CDH1: variants seen among roughly 807,000 people sequenced by gnomAD.
The protein encoded by CDH1 is cadherin-1.
A neutral mutation model predicts 84.5 loss-of-function variants in CDH1; 35 were observed. The ratio of observed to expected loss-of-function variants is 0.41; its 90% confidence interval spans 0.32 to 0.55. The LOEUF is 0.55. CDH1 is among the 20% of genes least tolerant of loss of function. The pLI is 0.19. For missense variants in CDH1, 994 were observed against 1,126.6 expected (o/e 0.88, Z 1.68); for synonymous variants, 417 against 439.0 (o/e 0.95, Z 0.63).
At chr16:68,808,156 A>G (rs974302937) in intron 3 of CDH1, among the ~76,000 whole-genome samples, 1 of 152,228 alleles carries the variant, frequency 6.6e-6, no homozygotes, top group African/African-American at 2.4e-5. Context: ...TTGTGTATGC[A>G]TGATGATTAT....
At chr16:68,812,581 A>G (rs958423512) in intron 8 of CDH1, among the ~76,000 whole-genome samples, 2 of 152,240 alleles carry the variant, frequency 1.3e-5, no homozygotes, top group African/African-American at 4.8e-5. Context: ...CTAAGTTTAT[A>G]TTAGGCACTG....
intron 2 of CDH1, among the ~76,000 whole-genome samples, chr16:68,743,903 G>A (rs1409513497): frequency 1.3e-5 from 2 of 152,182 alleles, no homozygotes; most frequent in East Asian, 3.8e-4. Context: ...TCTATTATGA[G>A]AATTAAGTAT....
At chr16:68,791,679 C>T (rs1960213295) in intron 2 of CDH1, among the ~76,000 whole-genome samples, 1 of 152,156 alleles carries the variant, frequency 6.6e-6, no homozygotes, top group Non-Finnish European at 1.5e-5. Context: ...ACCTCGGCCT[C>T]CCAAAGTGCT....
chr16:68,813,291 G>T lies in CDH1; in HGVS notation c.1138-22G>T, dbSNP rs1401132622. 5 of 1,613,216 alleles carry T rather than the reference G, an allele frequency of 3.1e-6. No homozygotes were observed. Among genetic ancestry groups the T allele is most frequent in the South Asian group, 2.2e-5 (2 of 91,002 alleles). ...CTAGCAGTCTTGGTACTTTGTAAAT[G>T]ACACATCTCTTTGCTCTGCAGTACA... is the stretch of plus-strand genomic sequence containing the variant. On this transcript the variant is annotated intron_variant, in intron 8 of 15. Coordinates refer to ENST00000261769, the MANE Select transcript of CDH1 (RefSeq NM_004360.5).
intron 13 of CDH1, among the ~76,000 whole-genome samples, chr16:68,827,199 A>T (rs932606171): frequency 1.3e-5 from 2 of 152,174 alleles, no homozygotes; most frequent in Non-Finnish European, 2.9e-5. Context: ...TGAACCCAGG[A>T]TGTGGTGGTT....
At chr16:68,810,158 C>T (rs752284537) in intron 5 of CDH1, 39 bp from the exon 6 acceptor site, 3 of 1,613,056 alleles carry the variant, frequency 1.9e-6, no homozygotes. Context: ...TGTTTTCTTC[C>T]TCATCAGAGC....
intron 2 of CDH1, among the ~76,000 whole-genome samples, chr16:68,781,765 G>A (rs967894917): frequency 1.3e-5 from 2 of 151,980 alleles, no homozygotes; most frequent in African/African-American, 2.4e-5. Context: ...CAATCATGCC[G>A]GGCCCCCTCA....
chr16:68,791,702 A>C (rs558362045), intron 2 of CDH1, among the ~76,000 whole-genome samples: 7 of 152,272 alleles, frequency 4.6e-5, no homozygotes, highest in African/African-American at 1.7e-4. Flanking sequence ...GATTACAGGC[A>C]TGAGCCACCA....
chr16:68,800,774 C>T (rs1005820354), intron 2 of CDH1, among the ~76,000 whole-genome samples: 1 of 152,224 alleles, frequency 6.6e-6, no homozygotes, highest in Non-Finnish European at 1.5e-5. Context: ...CTGCCCTCAC[C>T]ATGCAATAGA....
chr16:68,773,036 T>C lies in CDH1; in HGVS notation c.164-28634T>C, dbSNP rs149502955. ...CATTAGACAAAAAGAATTTTGCTTG[T>C]GGAAATGGGTCTCTAAAGGGTTGTG... On this transcript the variant is annotated intron_variant, in intron 2 of 15. Coordinates refer to ENST00000261769, the MANE Select transcript of CDH1 (RefSeq NM_004360.5). 3.7e-3 allele frequency among the ~76,000 whole-genome samples: 561 copies of C among 152,224 alleles called. 2 individuals carry two copies. Among genetic ancestry groups the C allele is most frequent in the African/African-American group, 0.013 (551 of 41,532 alleles).
rs182145982 is a variant in CDH1 at position 68,834,293 on chromosome 16, G to A, written c.*794G>A. ...CTGCCATTTTTTAAGAGACAGTTTC[G>A]CTCCATCGCCCAGGCCTGGGATGCA... is the stretch of plus-strand genomic sequence containing the variant. On this transcript the variant is annotated 3_prime_UTR_variant, in exon 16 of 16. Transcript: ENST00000261769. 2.9e-5 allele frequency: 15 copies of A among 510,850 alleles called. No homozygotes were observed. The highest frequency in any genetic ancestry group is 6.8e-5 in the Admixed American group (3 of 44,068). The allele number at this position is 510,850 out of a possible 1,614,324, so 31.6% of individuals were successfully genotyped here. A position where few individuals can be genotyped will look rare whatever the true frequency, so the allele number is the denominator to read the frequency against.
chr16:68,811,324 G>A (rs1960819696), intron 6 of CDH1, among the ~76,000 whole-genome samples: 2 of 149,796 alleles, frequency 1.3e-5, no homozygotes, highest in South Asian at 2.1e-4. Context: ...TTGAACCCGG[G>A]AGACAGAGAT....
intron 13 of CDH1, among the ~76,000 whole-genome samples, chr16:68,827,173 A>G (rs1218002071): frequency 6.6e-6 from 1 of 152,144 alleles, no homozygotes; most frequent in Non-Finnish European, 1.5e-5. Flanking sequence ...TGGGAGGCTG[A>G]GGCAGGAGAA....
intron 2 of CDH1, among the ~76,000 whole-genome samples, chr16:68,778,379 G>T (rs1959790088): frequency 6.6e-6 from 1 of 152,168 alleles, no homozygotes; most frequent in South Asian, 2.1e-4. Flanking sequence ...ATTTTGTGTT[G>T]TGTTAATGAT....
At chr16:68,743,340 TTTCTTTCTTTCTTTCTTTCTTTC>T (rs1211854147) in intron 2 of CDH1, among the ~76,000 whole-genome samples, 18 of 38,684 alleles carry the variant, frequency 4.7e-4, no homozygotes, top group African/African-American at 1.7e-3. Context: ...TCTTTCTTTC[TTTCTTTCTTTCTTTCTTTCTTTC>T]TTTTCTTTTC....
chr16:68,798,579 T>C (rs1960421450), intron 2 of CDH1, among the ~76,000 whole-genome samples: 1 of 152,238 alleles, frequency 6.6e-6, no homozygotes. Context: ...CAAAGCAGGT[T>C]AAGTGCCTTG....
In CDH1 at chr16:68,777,376, C is replaced by T. The variant is rs117078164; in HGVS notation, c.164-24294C>T. 1.0e-2 allele frequency among the ~76,000 whole-genome samples: 1,520 copies of T among 152,216 alleles called. 13 individuals carry two copies. Among genetic ancestry groups the T allele is most frequent in the South Asian group, 0.019 (90 of 4,818 alleles). Reference sequence around the variant, plus strand: ...AGACAATAATAGTACCTAATTCATACTATTATTATGAAAATAAATGACTAA... The same window carrying T: ...AGACAATAATAGTACCTAATTCATATTATTATTATGAAAATAAATGACTAA... On this transcript the variant is annotated intron_variant, in intron 2 of 15. Coordinates refer to ENST00000261769, the MANE Select transcript of CDH1 (RefSeq NM_004360.5).
chr16:68,791,666 C>T (rs942501987), intron 2 of CDH1, among the ~76,000 whole-genome samples: 6 of 152,186 alleles, frequency 3.9e-5, no homozygotes, highest in Non-Finnish European at 7.3e-5. Flanking sequence ...AAGTGATCCT[C>T]TCACCTCGGC....
chr16:68,772,278 G>A (rs2152120919), intron 2 of CDH1, among the ~76,000 whole-genome samples: 1 of 152,230 alleles, frequency 6.6e-6, no homozygotes, highest in South Asian at 2.1e-4. Flanking sequence ...TATCCTCTTC[G>A]TGCCATGCAT....
Sources: allele counts gnomAD v4.1 joint callset (sites outside exome capture counted in the v4.1 genomes callset), GRCh38; gene constraint gnomAD v4.1.1; transcripts MANE v1.5; gene names NCBI Gene and HGNC (gene_info 2026-07-23, HGNC 2026-07-21).